Variants in PLCXD3 observed in about 807,000 individuals in gnomAD.
PLCXD3 encodes PI-PLC X domain-containing protein 3.
Under a neutral mutation model 25.5 loss-of-function variants are expected in PLCXD3, and 19 were observed. The ratio of observed to expected loss-of-function variants is 0.75; its 90% CI spans 0.52 to 1.09. The LOEUF is 1.09. Among genes scored for constraint, PLCXD3 ranks in the 50% least tolerant of loss-of-function variants. The probability of loss-of-function intolerance (pLI) is 0.00; values close to 1 mark genes in which losing one functional copy is unlikely to be tolerated. For missense variants in PLCXD3, 411 were observed against 388.1 expected (o/e 1.06, Z -0.50); for synonymous variants, 174 against 137.6 (o/e 1.26, Z -1.85).
chr5:41,395,624 A>G (rs1255306825), intron 1 of PLCXD3, among the ~76,000 whole-genome samples: 1 of 152,168 alleles, frequency 6.6e-6, no homozygotes, highest in Non-Finnish European at 1.5e-5. Flanking sequence ...CAAAGGAAAC[A>G]TTATAATTGA....
intron 2 of PLCXD3, among the ~76,000 whole-genome samples, chr5:41,371,621 G>C (rs1745097491): frequency 6.6e-6 from 1 of 152,122 alleles, no homozygotes; most frequent in Non-Finnish European, 1.5e-5. Flanking sequence ...CTCTTACTGG[G>C]ATGTCTCATG....
chr5:41,501,027 G>A (rs537209967), intron 1 of PLCXD3, among the ~76,000 whole-genome samples: 8 of 151,960 alleles, frequency 5.3e-5, no homozygotes, highest in African/African-American at 1.9e-4. Context: ...TACCTGTTAG[G>A]ATGGTTACTA....
intron 1 of PLCXD3, among the ~76,000 whole-genome samples, chr5:41,446,664 C>T (rs1218525410): frequency 6.6e-6 from 1 of 151,884 alleles, no homozygotes; most frequent in Non-Finnish European, 1.5e-5. Flanking sequence ...GCAAACAGAG[C>T]CATTCAGTCA....
chr5:41,405,590 G>T (rs965584465), intron 1 of PLCXD3, among the ~76,000 whole-genome samples: 1 of 152,016 alleles, frequency 6.6e-6, no homozygotes, highest in African/African-American at 2.4e-5. Context: ...AGAGAAAAAA[G>T]AACCTATGCC....
At chr5:41,338,957 T>C (rs1001541052) in intron 2 of PLCXD3, among the ~76,000 whole-genome samples, 1 of 152,128 alleles carries the variant, frequency 6.6e-6, no homozygotes, top group Non-Finnish European at 1.5e-5. Context: ...ATTCTGGTTC[T>C]TTTATTATGG....
intron 1 of PLCXD3, among the ~76,000 whole-genome samples, chr5:41,479,060 C>T (rs1482690632): frequency 6.6e-6 from 1 of 151,968 alleles, no homozygotes; most frequent in African/African-American, 2.4e-5. Flanking sequence ...TGGGTGAGGA[C>T]ACAGAGCCAA....
chr5:41,495,371 G>A (rs1748811158), intron 1 of PLCXD3, among the ~76,000 whole-genome samples: 1 of 152,228 alleles, frequency 6.6e-6, no homozygotes, highest in Non-Finnish European at 1.5e-5. Context: ...CAGAGGGCCT[G>A]AGGTAAGCTG....
At chr5:41,348,635 GTTTT>G (rs1293685086) in intron 2 of PLCXD3, among the ~76,000 whole-genome samples, 2 of 151,760 alleles carry the variant, frequency 1.3e-5, no homozygotes, top group African/African-American at 2.4e-5. Context: ...AAATTACTGA[GTTTT>G]TTTGTTTGTT....
intron 1 of PLCXD3, among the ~76,000 whole-genome samples, chr5:41,464,616 C>T (rs558468662): frequency 3.7e-4 from 56 of 152,074 alleles, no homozygotes; most frequent in African/African-American, 1.3e-3. Flanking sequence ...GTAAAGTTTT[C>T]TTCACTTTCA....
At chr5:41,392,093 A>G (rs1485238719) in intron 1 of PLCXD3, among the ~76,000 whole-genome samples, 2 of 152,178 alleles carry the variant, frequency 1.3e-5, no homozygotes, top group Non-Finnish European at 2.9e-5. Context: ...ACTCTTGGAC[A>G]GCACTTCTGG....
chr5:41,458,053 G>C (rs576682953), intron 1 of PLCXD3, among the ~76,000 whole-genome samples: 1 of 151,934 alleles, frequency 6.6e-6, no homozygotes, highest in African/African-American at 2.4e-5. Flanking sequence ...ACAGAACAAT[G>C]ATTTAAAAGG....
rs553934989 is a variant in PLCXD3, at chr5:41,344,611, A to G, written c.813-30841T>C. 1.1e-4 allele frequency among the ~76,000 whole-genome samples: 16 copies of G among 152,214 alleles called. No homozygotes were observed. The East Asian group carries it at 2.9e-3, about 27-fold the overall frequency. On this transcript the variant is annotated intron_variant, in intron 2 of 2. Coordinates refer to ENST00000377801, the MANE Select transcript of PLCXD3 (RefSeq NM_001005473.3). ...GATAAGAAATATAAAAATGCGGCTG[A>G]TATCTATGACTGACATCAGTTAACA...
chr5:41,321,983 A>C (rs144839714), intron 2 of PLCXD3, among the ~76,000 whole-genome samples: 2 of 152,368 alleles, frequency 1.3e-5, no homozygotes, highest in East Asian at 3.9e-4. Flanking sequence ...CTACTATAAG[A>C]AAACTTTGGG....
intron 1 of PLCXD3, among the ~76,000 whole-genome samples, chr5:41,501,964 A>G (rs1188582897): frequency 6.6e-6 from 1 of 152,144 alleles, no homozygotes; most frequent in Admixed American, 6.5e-5. Flanking sequence ...TTTTTACAAG[A>G]ATAAGAGAAA....
intron 1 of PLCXD3, among the ~76,000 whole-genome samples, chr5:41,436,821 A>G (rs1200477402): frequency 6.6e-6 from 1 of 152,258 alleles, no homozygotes; most frequent in Non-Finnish European, 1.5e-5. Flanking sequence ...AAAAGTATTG[A>G]AAGCCAAAAT....
intron 2 of PLCXD3, among the ~76,000 whole-genome samples, chr5:41,348,633 G>T (rs1273786296): frequency 6.6e-6 from 1 of 151,922 alleles, no homozygotes; most frequent in Non-Finnish European, 1.5e-5. Flanking sequence ...GAAAATTACT[G>T]AGTTTTTTTG....
At chr5:41,325,152 A>G (rs549933595) in intron 2 of PLCXD3, among the ~76,000 whole-genome samples, 1 of 152,344 alleles carries the variant, frequency 6.6e-6, no homozygotes, top group African/African-American at 2.4e-5. Flanking sequence ...TTGAGAATTG[A>G]TGAAACATTG....
At chr5:41,410,637 G>A (rs1189150291) in intron 1 of PLCXD3, among the ~76,000 whole-genome samples, 1 of 152,154 alleles carries the variant, frequency 6.6e-6, no homozygotes, top group Non-Finnish European at 1.5e-5. Flanking sequence ...ATCTGAAGGA[G>A]GCTCAAGTGT....
chr5:41,463,262 G>A (rs1449401484), intron 1 of PLCXD3, among the ~76,000 whole-genome samples: 1 of 151,926 alleles, frequency 6.6e-6, no homozygotes, highest in Non-Finnish European at 1.5e-5. Context: ...TCACAGTTCT[G>A]AAGGCAGGAA....
Sources: allele counts gnomAD v4.1 joint callset (sites outside exome capture counted in the v4.1 genomes callset), GRCh38; gene constraint gnomAD v4.1.1; transcripts MANE v1.5; gene names NCBI Gene and HGNC (gene_info 2026-07-23, HGNC 2026-07-21).